Variants in A1CF observed in about 807,000 individuals in gnomAD.
A1CF encodes APOBEC1 complementation factor, also known as APOBEC-1 stimulating protein.
Under a neutral mutation model 68.9 loss-of-function variants are expected in A1CF, and 48 were observed. That is an observed-to-expected ratio of 0.70 (90% CI 0.55 to 0.89). A1CF has a LOEUF of 0.89. Ranked by LOEUF, A1CF falls within the 40% of genes least tolerant of loss-of-function variation. The pLI, the probability that A1CF is intolerant of heterozygous loss-of-function variation, is 0.00. For synonymous variants in A1CF, 272 were observed against 260.4 expected, an observed-to-expected ratio of 1.04 and a Z score of -0.43; for missense variants, 653 against 718.9, an observed-to-expected ratio of 0.91 and a Z score of 1.05.
chr10:50,847,031 G>A (rs1840032884), intron 3 of A1CF, among the ~76,000 whole-genome samples: 1 of 152,104 alleles, frequency 6.6e-6, no homozygotes, highest in South Asian at 2.1e-4. Flanking sequence ...TTGGGCTCTG[G>A]GTTGCTAATA....
At chr10:50,882,261 C>T (rs965626947) in intron 1 of A1CF, among the ~76,000 whole-genome samples, 1 of 152,046 alleles carries the variant, frequency 6.6e-6, no homozygotes, top group Non-Finnish European at 1.5e-5. Flanking sequence ...CATAATGAAA[C>T]CCCGTCTCTA....
chr10:50,822,316 T>C (rs904766033), intron 7 of A1CF, among the ~76,000 whole-genome samples: 1 of 152,204 alleles, frequency 6.6e-6, no homozygotes, highest in Non-Finnish European at 1.5e-5. Flanking sequence ...TAGTTTAGCA[T>C]GCCAATTATC....
intron 8 of A1CF, among the ~76,000 whole-genome samples, chr10:50,818,747 T>C (rs1838492441): frequency 6.6e-6 from 1 of 152,172 alleles, no homozygotes; most frequent in African/African-American, 2.4e-5. Context: ...TATTTCAGAG[T>C]GAATACTTTC....
rs571133157 is a variant in A1CF, at chr10:50,873,976, T to TTGTGTATATATGTATATATC, written c.-93-9916_-93-9897dup. ...ATTTTATTATAATTTTAATATGTGTTTGTGTATATATGTATATATCTGTGT... is the reference window on the plus strand; with the variant it reads ...ATTTTATTATAATTTTAATATGTGTTTGTGTATATATGTATATATCTGTGTATATATGTATATATCTGTGT... On this transcript the variant is annotated intron_variant, in intron 1 of 12. Transcript: ENST00000373997. Among the ~76,000 whole-genome samples, 29 of 152,158 alleles carry TTGTGTATATATGTATATATC rather than the reference T, an allele frequency of 1.9e-4. No homozygotes were observed. In the East Asian group the frequency reaches 5.6e-3, roughly 29 times the overall value.
At chr10:50,829,615 C>T (rs1839142608) in intron 6 of A1CF, among the ~76,000 whole-genome samples, 1 of 152,122 alleles carries the variant, frequency 6.6e-6, no homozygotes, top group African/African-American at 2.4e-5. Flanking sequence ...CTCTTGTTAC[C>T]CTAGCTGTGA....
intron 10 of A1CF, among the ~76,000 whole-genome samples, chr10:50,811,744 T>C (rs1046307728): frequency 1.2e-4 from 19 of 152,234 alleles, no homozygotes; most frequent in African/African-American, 3.4e-4. Context: ...TATTTCTGCC[T>C]TTTTTGTTTG....
At chr10:50,835,450 G>A (rs1839441650) in intron 6 of A1CF, among the ~76,000 whole-genome samples, 1 of 152,098 alleles carries the variant, frequency 6.6e-6, no homozygotes, top group South Asian at 2.1e-4. Context: ...GTTTTAGAAT[G>A]AGCCAAGAAC....
chr10:50,836,689 C>T (rs981080467), intron 5 of A1CF, among the ~76,000 whole-genome samples: 1 of 105,246 alleles, frequency 9.5e-6, no homozygotes, highest in African/African-American at 3.8e-5. Context: ...TCCCTCCCCC[C>T]TCCCCCCACC....
chr10:50,825,950 G>A (rs183496277), intron 7 of A1CF, among the ~76,000 whole-genome samples: 11 of 152,214 alleles, frequency 7.2e-5, no homozygotes, highest in Non-Finnish European at 1.2e-4. Flanking sequence ...GTTGCTACTG[G>A]TATCTAACAG....
At chr10:50,840,249 A>G (rs776149383) in intron 5 of A1CF, among the ~76,000 whole-genome samples, 8 of 151,670 alleles carry the variant, frequency 5.3e-5, no homozygotes, top group Non-Finnish European at 7.4e-5. Context: ...AACTGCATCT[A>G]GAATTGATGA....
chr10:50,843,922 A>G (rs2132460470), intron 4 of A1CF, 66 bp downstream of exon 4: 2 of 1,585,888 alleles, frequency 1.3e-6, no homozygotes, highest in African/African-American at 1.4e-5. Context: ...GAATGAAAGC[A>G]AAGTGAAGAG....
Position 50,844,000 on chromosome 10 carries a change from T to C in A1CF, c.222A>G (p.Pro74=). 1 of 1,613,028 alleles carries C rather than the reference T, an allele frequency of 6.2e-7. No homozygotes were observed. The highest frequency in any genetic ancestry group is 8.5e-7 in the Non-Finnish European group (1 of 1,179,574). ...PRDLFEDELI[P]LCEKIGKIYE... ...AATTTGGACTCACTTTTTCACATAA[T>C]GGTATAAGCTCATCCTCAAAAAGGT... is the stretch of plus-strand genomic sequence containing the variant. Residue 74 remains proline (P), a synonymous_variant, in exon 4 of 13, where the codon CCA becomes CCG. Transcript: ENST00000373997.
At chr10:50,857,411 C>A (rs192154317) in intron 3 of A1CF, among the ~76,000 whole-genome samples, 3 of 152,108 alleles carry the variant, frequency 2.0e-5, no homozygotes, top group Non-Finnish European at 4.4e-5. Flanking sequence ...GAGCACCAAG[C>A]AGGATGAGAA....
chr10:50,814,706 T>C (rs911486587), intron 9 of A1CF, among the ~76,000 whole-genome samples: 1 of 152,226 alleles, frequency 6.6e-6, no homozygotes, highest in African/African-American at 2.4e-5. Flanking sequence ...TTAAATTGAT[T>C]ACCCTTCATC....
intron 3 of A1CF, among the ~76,000 whole-genome samples, chr10:50,847,233 CTT>C (rs1840042226): frequency 1.3e-5 from 2 of 152,090 alleles, no homozygotes; most frequent in South Asian, 2.1e-4. Context: ...ACTCTGGAAA[CTT>C]TTATTTTTCC....
intron 6 of A1CF, among the ~76,000 whole-genome samples, chr10:50,833,375 A>G (rs1839339003): frequency 6.6e-6 from 1 of 152,220 alleles, no homozygotes; most frequent in South Asian, 2.1e-4. Flanking sequence ...GCAGCCTGAC[A>G]TTGAGAATCA....
intron 4 of A1CF, among the ~76,000 whole-genome samples, chr10:50,842,944 G>A (rs1236597902): frequency 6.6e-6 from 1 of 152,170 alleles, no homozygotes; most frequent in South Asian, 2.1e-4. Flanking sequence ...GACTCTACTT[G>A]CCCATGTAAT....
intron 1 of A1CF, among the ~76,000 whole-genome samples, chr10:50,876,242 A>G (rs1215597526): frequency 1.3e-5 from 2 of 152,244 alleles, no homozygotes; most frequent in Non-Finnish European, 2.9e-5. Flanking sequence ...GGCCGAATAA[A>G]TTCTGAGAGG....
At chr10:50,828,451 T>G in intron 6 of A1CF, 156 bp from the exon 7 acceptor site, 2 of 494,118 alleles carry the variant, frequency 4.0e-6, no homozygotes, top group Non-Finnish European at 6.8e-6. Context: ...TAAGAGACAT[T>G]CCAAGTGGAG....
Sources: allele counts gnomAD v4.1 joint callset (sites outside exome capture counted in the v4.1 genomes callset), GRCh38; gene constraint gnomAD v4.1.1; transcripts MANE v1.5; gene names NCBI Gene and HGNC (gene_info 2026-07-23, HGNC 2026-07-21).